Variants in CLASP1 observed in about 807,000 individuals in gnomAD.
CLASP1 encodes the protein CLIP-associating protein 1.
Under a neutral mutation model 192.3 loss-of-function variants are expected in CLASP1, and 38 were observed. The ratio of observed to expected loss-of-function variants is 0.20; its 90% CI spans 0.15 to 0.26. CLASP1 has a LOEUF of 0.26. Among genes scored for constraint, CLASP1 ranks in the 10% least tolerant of loss-of-function variants. The probability of loss-of-function intolerance (pLI) is 1.00; values close to 1 mark genes in which losing one functional copy is unlikely to be tolerated. For missense variants in CLASP1, 1,433 were observed against 1,932.5 expected, an observed-to-expected ratio of 0.74 and a Z score of 4.85; for synonymous variants, 691 against 712.8, an observed-to-expected ratio of 0.97 and a Z score of 0.49.
At chr2:121,355,877 A>G (rs1470641328) in intron 37 of CLASP1, among the ~76,000 whole-genome samples, 2 of 152,230 alleles carry the variant, frequency 1.3e-5, no homozygotes, top group Non-Finnish European at 2.9e-5. Context: ...GAAGTCATCA[A>G]AAACTATTCC....
intron 2 of CLASP1, among the ~76,000 whole-genome samples, chr2:121,580,192 G>A (rs201712517): frequency 6.6e-6 from 1 of 152,138 alleles, no homozygotes; most frequent in South Asian, 2.1e-4. Flanking sequence ...AAATCACTGT[G>A]AGGTACCAGT....
At chr2:121,418,065 G>A (rs59436108) in intron 23 of CLASP1, among the ~76,000 whole-genome samples, 3,168 of 152,348 alleles carry the variant, frequency 0.021, 114 homozygotes, top group African/African-American at 0.072. Context: ...TGTGTTGACA[G>A]ATGTCTTTTG....
At chr2:121,536,372 C>T (rs1046821761) in intron 2 of CLASP1, among the ~76,000 whole-genome samples, 3 of 97,770 alleles carry the variant, frequency 3.1e-5, no homozygotes, top group African/African-American at 1.7e-4. Context: ...CAGAGCAAGA[C>T]TGTCTGAAAA....
intron 2 of CLASP1, among the ~76,000 whole-genome samples, chr2:121,574,200 T>G (rs376157277): frequency 6.6e-6 from 1 of 151,862 alleles, no homozygotes; most frequent in Non-Finnish European, 1.5e-5. Flanking sequence ...TGTTGGCGGG[T>G]GCCTATAGTC....
At chr2:121,633,007 CATATATAT>C (rs71398038) in intron 1 of CLASP1, among the ~76,000 whole-genome samples, 2 of 115,580 alleles carry the variant, frequency 1.7e-5, no homozygotes, top group African/African-American at 3.8e-5. Flanking sequence ...TATGTGTGTG[CATATATAT>C]ATATATATAT....
At chr2:121,492,542 C>T (rs527592094) in intron 8 of CLASP1, among the ~76,000 whole-genome samples, 14 of 151,726 alleles carry the variant, frequency 9.2e-5, no homozygotes, top group Admixed American at 4.6e-4. Flanking sequence ...AGATGTTTTT[C>T]CAACGTAGAT....
At chr2:121,429,231 C>T (rs980629983) in intron 20 of CLASP1, among the ~76,000 whole-genome samples, 2 of 151,960 alleles carry the variant, frequency 1.3e-5, no homozygotes, top group Non-Finnish European at 1.5e-5. Flanking sequence ...TCACTCTCTA[C>T]AACAGACAGA....
chr2:121,408,545 TA>T (rs1162689752), intron 24 of CLASP1, among the ~76,000 whole-genome samples: 1 of 152,246 alleles, frequency 6.6e-6, no homozygotes, highest in Admixed American at 6.5e-5. Flanking sequence ...TATACTTCTT[TA>T]ATAATATGGC....
intron 23 of CLASP1, among the ~76,000 whole-genome samples, chr2:121,414,668 C>A (rs2078263934): frequency 6.6e-6 from 1 of 152,200 alleles, no homozygotes; most frequent in South Asian, 2.1e-4. Flanking sequence ...CATAGAAGTT[C>A]ATAATGTTAC....
At chr2:121,421,010 A>G (rs2079403393) in intron 22 of CLASP1, among the ~76,000 whole-genome samples, 9 of 152,216 alleles carry the variant, frequency 5.9e-5, no homozygotes, top group Admixed American at 5.9e-4. Context: ...TGATTTTCTC[A>G]TTTAACATAT....
chr2:121,564,134 G>C (rs1006743107), intron 2 of CLASP1, among the ~76,000 whole-genome samples: 1 of 152,152 alleles, frequency 6.6e-6, no homozygotes, highest in African/African-American at 2.4e-5. Flanking sequence ...GATAAGATTT[G>C]GGTGGGAATA....
chr2:121,581,158 A>C (rs1213390399), intron 2 of CLASP1, among the ~76,000 whole-genome samples: 1 of 152,034 alleles, frequency 6.6e-6, no homozygotes, highest in Non-Finnish European at 1.5e-5. Context: ...ATTCACAGGC[A>C]GACCAGCATT....
At chr2:121,501,773 T>C (rs1236039207) in intron 8 of CLASP1, among the ~76,000 whole-genome samples, 2 of 152,172 alleles carry the variant, frequency 1.3e-5, no homozygotes, top group Non-Finnish European at 1.5e-5. Flanking sequence ...TGTATCAAGT[T>C]ACTTTGAGGA....
intron 24 of CLASP1, chr2:121,407,935 A>C: frequency 1.2e-5 from 8 of 675,710 alleles, no homozygotes; most frequent in South Asian, 1.0e-4. Context: ...GGGAAAGAGT[A>C]TGGCCTCTAG....
chr2:121,478,847 A>C (rs1165121264), intron 8 of CLASP1, among the ~76,000 whole-genome samples: 13 of 22,060 alleles, frequency 5.9e-4, no homozygotes, highest in African/African-American at 1.7e-3. Context: ...CCACACACAC[A>C]CCACACACCA....
At chr2:121,496,367 A>T (rs747821048) in intron 8 of CLASP1, among the ~76,000 whole-genome samples, 15 of 152,192 alleles carry the variant, frequency 9.9e-5, no homozygotes, top group Non-Finnish European at 2.1e-4. Flanking sequence ...CCAAGAGGTC[A>T]TTGAGGAGCC....
chr2:121,510,051 C>T (rs928758374), intron 7 of CLASP1, among the ~76,000 whole-genome samples: 7 of 152,066 alleles, frequency 4.6e-5, no homozygotes, highest in Non-Finnish European at 7.4e-5. Context: ...AAAACATTAA[C>T]ATATCAAAGC....
chr2:121,514,012 A>G (rs2094216194), intron 7 of CLASP1, among the ~76,000 whole-genome samples: 1 of 152,190 alleles, frequency 6.6e-6, no homozygotes, highest in African/African-American at 2.4e-5. Context: ...GCCCTCCCCA[A>G]ATCCACATTT....
chr2:121,538,071 CT>C (rs984329972), intron 2 of CLASP1, among the ~76,000 whole-genome samples: 61 of 152,234 alleles, frequency 4.0e-4, no homozygotes, highest in African/African-American at 1.4e-3. Context: ...TGTACAATTT[CT>C]GTTCAACATT....
Sources: allele counts gnomAD v4.1 joint callset (sites outside exome capture counted in the v4.1 genomes callset), GRCh38; gene constraint gnomAD v4.1.1; transcripts MANE v1.5; gene names NCBI Gene and HGNC (gene_info 2026-07-23, HGNC 2026-07-21).